Variants in LRMDA observed in about 807,000 individuals in gnomAD.
LRMDA encodes leucine-rich melanocyte differentiation-associated protein.
A neutral mutation model predicts 29.8 loss-of-function variants in LRMDA; 18 were observed. The observed-to-expected ratio is 0.60, with a 90% CI of 0.42 to 0.90. The LOEUF is 0.90. LRMDA is among the 40% of genes least tolerant of loss of function. The pLI is 0.00. For synonymous variants in LRMDA, 125 were observed against 109.4 expected (o/e 1.14, Z -0.89); for missense variants, 273 against 273.9 (o/e 1.00, Z 0.02).
intron 6 of LRMDA, among the ~76,000 whole-genome samples, chr10:76,455,601 T>G (rs1842448745): frequency 6.6e-6 from 1 of 152,198 alleles, no homozygotes; most frequent in Non-Finnish European, 1.5e-5. Context: ...AGGTCTGTTC[T>G]CCTTGTGGTC....
intron 6 of LRMDA, among the ~76,000 whole-genome samples, chr10:76,329,294 A>C (rs1840875362): frequency 6.6e-6 from 1 of 152,226 alleles, no homozygotes. Context: ...CAGCACATCT[A>C]CCATAACCCT....
chr10:76,378,470 G>A (rs1589157740), intron 6 of LRMDA, among the ~76,000 whole-genome samples: 1 of 152,126 alleles, frequency 6.6e-6, no homozygotes, highest in East Asian at 1.9e-4. Flanking sequence ...TTCTTAGGGG[G>A]AATGCTTTCA....
intron 6 of LRMDA, among the ~76,000 whole-genome samples, chr10:76,493,026 T>C (rs1222964165): frequency 6.6e-6 from 1 of 151,990 alleles, no homozygotes; most frequent in Admixed American, 6.6e-5. Context: ...CACTACCTGG[T>C]TACCACATGT....
At chr10:75,712,157 G>A (rs1170947005) in intron 2 of LRMDA, among the ~76,000 whole-genome samples, 1 of 151,966 alleles carries the variant, frequency 6.6e-6, no homozygotes, top group East Asian at 1.9e-4. Flanking sequence ...AAGCTGGATT[G>A]AGCCTCCACC....
intron 2 of LRMDA, among the ~76,000 whole-genome samples, chr10:75,868,072 G>C (rs1454214999): frequency 2.0e-5 from 3 of 152,146 alleles, no homozygotes; most frequent in Non-Finnish European, 4.4e-5. Context: ...TGGTGGGCTA[G>C]ATTGGGCCCA....
chr10:75,638,155 G>A (rs1841410657), intron 2 of LRMDA, among the ~76,000 whole-genome samples: 1 of 152,200 alleles, frequency 6.6e-6, no homozygotes, highest in African/African-American at 2.4e-5. Flanking sequence ...AAAGAATGGG[G>A]TGGAAAGCTT....
intron 6 of LRMDA, among the ~76,000 whole-genome samples, chr10:76,454,172 T>A (rs1429847297): frequency 6.6e-6 from 1 of 152,184 alleles, no homozygotes; most frequent in African/African-American, 2.4e-5. Context: ...CATTTTGAAT[T>A]CTTTGGTCTG....
chr10:75,817,346 T>G (rs564101696), intron 2 of LRMDA, among the ~76,000 whole-genome samples: 8 of 152,384 alleles, frequency 5.2e-5, no homozygotes, highest in Non-Finnish European at 1.0e-4. Context: ...ATGCTGAAAT[T>G]ATTTCATCTG....
intron 2 of LRMDA, among the ~76,000 whole-genome samples, chr10:75,925,966 G>T (rs965899014): frequency 6.6e-6 from 1 of 152,146 alleles, no homozygotes; most frequent in South Asian, 2.1e-4. Context: ...TCTAGGGATA[G>T]GTTCTATTAA....
intron 2 of LRMDA, among the ~76,000 whole-genome samples, chr10:75,790,479 C>A (rs372450516): frequency 6.9e-4 from 105 of 152,310 alleles, no homozygotes; most frequent in African/African-American, 2.5e-3. Flanking sequence ...AAGCTAAGAA[C>A]ATGACCCCAG....
At chr10:75,563,591 A>T (rs1840329343) in intron 2 of LRMDA, among the ~76,000 whole-genome samples, 2 of 152,086 alleles carry the variant, frequency 1.3e-5, no homozygotes, top group South Asian at 4.1e-4. Context: ...GTTGCTTTGG[A>T]GGAGGAGAGG....
intron 2 of LRMDA, among the ~76,000 whole-genome samples, chr10:75,889,212 A>G (rs1386076720): frequency 2.0e-5 from 3 of 152,180 alleles, no homozygotes; most frequent in South Asian, 2.1e-4. Flanking sequence ...AAGAATATGA[A>G]ATGTTAGCAA....
At chr10:75,432,574 C>T (rs1173835727) in intron 1 of LRMDA, among the ~76,000 whole-genome samples, 1 of 152,220 alleles carries the variant, frequency 6.6e-6, no homozygotes, top group Non-Finnish European at 1.5e-5. Flanking sequence ...TCTGATGAAG[C>T]CAGAGCCCTC....
At chr10:75,690,284 G>A (rs974053217) in intron 2 of LRMDA, among the ~76,000 whole-genome samples, 1 of 152,068 alleles carries the variant, frequency 6.6e-6, no homozygotes, top group Admixed American at 6.6e-5. Context: ...GCAAAGTTGG[G>A]GTTATAACCC....
chr10:76,415,679 C>T (rs1842007496), intron 6 of LRMDA, among the ~76,000 whole-genome samples: 1 of 152,200 alleles, frequency 6.6e-6, no homozygotes, highest in Non-Finnish European at 1.5e-5. Context: ...ATCCCATACA[C>T]ACTATCATCA....
Position 76,344,991 on chromosome 10 carries a change from C to A in LRMDA, c.601+20506C>A, listed in dbSNP as rs535216598. ...CCCAGATATAAAAAGCAAAAATGGA[C>A]AAATTTGACTTTATTAGAAATACTC... On this transcript the variant is annotated intron_variant, in intron 6 of 6. Transcript: ENST00000611255. 1.8e-4 allele frequency among the ~76,000 whole-genome samples: 24 copies of A among 137,060 alleles called. No individual in the cohort carries two copies. The East Asian group carries it at 5.3e-3, about 30-fold the overall frequency. 89.9% of individuals were successfully genotyped at this position (137,060 alleles called of 152,430 possible).
intron 5 of LRMDA, among the ~76,000 whole-genome samples, chr10:76,068,003 G>A (rs1422692237): frequency 2.6e-5 from 4 of 152,214 alleles, no homozygotes; most frequent in Admixed American, 1.3e-4. Flanking sequence ...AAGGGGGCAG[G>A]CAGAGGCCAA....
chr10:76,074,571 A>T (rs79796239), intron 5 of LRMDA, among the ~76,000 whole-genome samples: 3 of 152,172 alleles, frequency 2.0e-5, no homozygotes, highest in African/African-American at 7.2e-5. Flanking sequence ...ATTAGCCTAT[A>T]TAGGGAGGAG....
At chr10:75,505,980 C>A (rs1395722475) in intron 2 of LRMDA, among the ~76,000 whole-genome samples, 1 of 152,206 alleles carries the variant, frequency 6.6e-6, no homozygotes, top group Non-Finnish European at 1.5e-5. Context: ...AATACAAACA[C>A]AGAGCCTTTA....
Sources: allele counts gnomAD v4.1 joint callset (sites outside exome capture counted in the v4.1 genomes callset), GRCh38; gene constraint gnomAD v4.1.1; transcripts MANE v1.5; gene names NCBI Gene and HGNC (gene_info 2026-07-23, HGNC 2026-07-21).